FARP1: variants seen among roughly 807,000 people sequenced by gnomAD.
The protein encoded by FARP1 is FERM, ARHGEF and pleckstrin domain-containing protein 1.
In FARP1, 52 loss-of-function variants were observed where a neutral mutation model predicts 128.8. The observed-to-expected ratio is 0.40, with a 90% confidence interval of 0.32 to 0.51. The LOEUF (loss-of-function observed/expected upper bound fraction) is 0.51. FARP1 is among the 20% of genes least tolerant of loss of function. FARP1 has a pLI of 0.45. For synonymous variants in FARP1, 580 were observed against 551.8 expected (o/e 1.05, Z -0.72); for missense variants, 1,333 against 1,367.9 (o/e 0.97, Z 0.40).
At chr13:98,323,753 G>C (rs1330787997) in intron 2 of FARP1, among the ~76,000 whole-genome samples, 1 of 152,090 alleles carries the variant, frequency 6.6e-6, no homozygotes, top group Non-Finnish European at 1.5e-5. Flanking sequence ...TTTGCTACTT[G>C]ATAAGAAAAA....
At chr13:98,211,028 C>A (rs1880672945) in intron 1 of FARP1, among the ~76,000 whole-genome samples, 1 of 152,222 alleles carries the variant, frequency 6.6e-6, no homozygotes, top group African/African-American at 2.4e-5. Context: ...CCTGCCCTCC[C>A]AACCCTCTTT....
At chr13:98,345,955 T>C (rs11841311) in intron 3 of FARP1, among the ~76,000 whole-genome samples, 16,157 of 152,194 alleles carry the variant, frequency 0.11, 1,118 homozygotes, top group African/African-American at 0.19. Flanking sequence ...GGTTCACATA[T>C]AGTGTTTCAT....
chr13:98,387,073 G>A (rs1890125145), intron 8 of FARP1, among the ~76,000 whole-genome samples: 1 of 152,188 alleles, frequency 6.6e-6, no homozygotes, highest in Non-Finnish European at 1.5e-5. Flanking sequence ...GGCTGAGACG[G>A]GTGGATCACC....
intron 2 of FARP1, among the ~76,000 whole-genome samples, chr13:98,250,515 G>A (rs1594321485): frequency 6.6e-6 from 1 of 152,250 alleles, no homozygotes; most frequent in East Asian, 1.9e-4. Flanking sequence ...GAGGTCAAGA[G>A]TTTGAGACCA....
rs1220161643 is a variant in FARP1, at chr13:98,409,438, C to T, written c.1515C>T (p.Asp505=). 6.2e-7 allele frequency: 1 copy of T among 1,614,138 alleles called. No homozygotes were observed. Among genetic ancestry groups the T allele is most frequent in the South Asian group, 1.1e-5 (1 of 91,068 alleles). ...CCTTGTCTCCCAACCTGAGCCCCGA[C>T]ACCAAGCAGGCCTCTCCCTTGATCA... ...NVTLSPNLSP[D]TKQASPLISP... is the part of the protein sequence containing the mutation. The change falls in exon 14 of 27, where the codon GAC becomes GAT. Residue 505 remains aspartate, a synonymous_variant. Transcript: ENST00000319562.
chr13:98,250,116 A>C (rs1401139346), intron 2 of FARP1, among the ~76,000 whole-genome samples: 2 of 152,240 alleles, frequency 1.3e-5, no homozygotes, highest in African/African-American at 4.8e-5. Context: ...TCTGAACACC[A>C]AACATTGGGG....
chr13:98,285,185 C>G (rs1414545961), intron 2 of FARP1, among the ~76,000 whole-genome samples: 2 of 152,046 alleles, frequency 1.3e-5, no homozygotes, highest in East Asian at 3.9e-4. Context: ...TTGGACTTAA[C>G]AAAGCTTTTT....
chr13:98,418,275 GTT>G lies in FARP1; in HGVS notation c.1826+6246_1826+6247del, dbSNP rs1391646781. Among the ~76,000 whole-genome samples, 507 of 126,118 alleles carry G rather than the reference GTT, an allele frequency of 4.0e-3. 4 individuals are homozygous for G. Among genetic ancestry groups the G allele is most frequent in the African/African-American group, 0.017 (472 of 27,270 alleles). The allele number at this position is 126,118 out of a possible 152,430, so 82.7% of individuals were successfully genotyped here. A position where few individuals can be genotyped will look rare whatever the true frequency, so the allele number is the denominator to read the frequency against. Reference sequence around the variant, plus strand: ...TTATTTGTTTGTTTTGTTTTGTTTTGTTTTTTGTTTTTTTTTTGAGATGGAGT... The same window carrying G: ...TTATTTGTTTGTTTTGTTTTGTTTTGTTTTGTTTTTTTTTTGAGATGGAGT... On this transcript the variant is annotated intron_variant, in intron 16 of 26. Transcript: ENST00000319562.
At chr13:98,286,453 T>G (rs1411851422) in intron 2 of FARP1, among the ~76,000 whole-genome samples, 1 of 152,194 alleles carries the variant, frequency 6.6e-6, no homozygotes, top group Non-Finnish European at 1.5e-5. Flanking sequence ...CCCATACTGT[T>G]CTCATGGTAG....
At position 98,451,916 on chromosome 13, in the gene FARP1, C is replaced by T. The variant is rs3742134; in HGVS notation, c.*3599C>T. The T allele has an allele frequency of 0.21, 32,642 of 152,036 alleles. 3,637 individuals are homozygous for T. Among genetic ancestry groups the T allele is most frequent in the Middle Eastern group, 0.25 (73 of 294 alleles). 9.4% of individuals were successfully genotyped at this position (152,036 alleles called of 1,614,324 possible). ...GAAGCAAAATAACTCTTAAGGTCCC[C>T]GGCAACCGCTACAGCAATCGCACAG... On this transcript the variant is annotated 3_prime_UTR_variant, in exon 27 of 27. Coordinates refer to ENST00000319562, the MANE Select transcript of FARP1 (RefSeq NM_005766.4).
At chr13:98,260,404 A>G (rs748614048) in intron 2 of FARP1, among the ~76,000 whole-genome samples, 1 of 152,148 alleles carries the variant, frequency 6.6e-6, no homozygotes, top group Non-Finnish European at 1.5e-5. Flanking sequence ...GTTGTTCTTC[A>G]GTTTATTCCA....
In FARP1 at chr13:98,448,555, G is replaced by GTATT. The variant is rs1453103697; in HGVS notation, c.*239_*242dup. 2.5e-5 allele frequency: 13 copies of GTATT among 521,612 alleles called. No individual in the cohort carries two copies. Among genetic ancestry groups the GTATT allele is most frequent in the Non-Finnish European group, 4.4e-5 (13 of 292,678 alleles). 32.3% of individuals were successfully genotyped at this position (521,612 alleles called of 1,614,324 possible). A position where few individuals can be genotyped will look rare whatever the true frequency, so the allele number is the denominator to read the frequency against. ...GGGCGCTGTTCTTTAGCTAGTGCCA[G>GTATT]TATTAAAACATTGTCATTACGAGAG... On this transcript the variant is annotated 3_prime_UTR_variant, in exon 27 of 27. Transcript: ENST00000319562.
At chr13:98,361,087 T>G (rs1342984159) in intron 3 of FARP1, among the ~76,000 whole-genome samples, 2 of 152,222 alleles carry the variant, frequency 1.3e-5, no homozygotes, top group African/African-American at 2.4e-5. Flanking sequence ...GTGCTTTCAC[T>G]GCAGTTGAGT....
intron 1 of FARP1, among the ~76,000 whole-genome samples, chr13:98,209,160 C>G (rs1191622747): frequency 6.6e-6 from 1 of 152,118 alleles, no homozygotes; most frequent in Non-Finnish European, 1.5e-5. Context: ...AGGCGCCCAC[C>G]ACCATGCCCG....
intron 1 of FARP1, among the ~76,000 whole-genome samples, chr13:98,186,326 T>G (rs1308921292): frequency 6.6e-6 from 1 of 152,094 alleles, no homozygotes; most frequent in East Asian, 2.0e-4. Context: ...CAGGCTGATC[T>G]TGAACTCCCA....
intron 2 of FARP1, among the ~76,000 whole-genome samples, chr13:98,216,163 G>A (rs376151532): frequency 6.6e-6 from 1 of 152,148 alleles, no homozygotes; most frequent in African/African-American, 2.4e-5. Flanking sequence ...TTAACTGGCT[G>A]TAGAAAGTCA....
At chr13:98,279,624 C>G (rs1049274333) in intron 2 of FARP1, among the ~76,000 whole-genome samples, 4 of 152,188 alleles carry the variant, frequency 2.6e-5, no homozygotes, top group Non-Finnish European at 5.9e-5. Context: ...GTGGGCAGAG[C>G]ACGTGCAGAG....
At chr13:98,187,812 A>G (rs925529810) in intron 1 of FARP1, among the ~76,000 whole-genome samples, 1 of 152,076 alleles carries the variant, frequency 6.6e-6, no homozygotes, top group Non-Finnish European at 1.5e-5. Context: ...TAGTTATCTT[A>G]TTTTCATTTT....
At chr13:98,254,943 CTCT>C (rs1883513181) in intron 2 of FARP1, among the ~76,000 whole-genome samples, 1 of 130,578 alleles carries the variant, frequency 7.7e-6, no homozygotes, top group Non-Finnish European at 1.6e-5. Context: ...TGGCATCTTC[CTCT>C]TTTTTTTTTT....
Sources: gnomAD v4.1 joint callset for allele counts (sites outside exome capture counted in the v4.1 genomes callset) on GRCh38, gnomAD v4.1.1 for gene constraint, MANE v1.5 for transcripts, NCBI Gene and HGNC (gene_info 2026-07-23, HGNC 2026-07-21) for gene names.